POU6F2: variants seen among roughly 807,000 people sequenced by gnomAD.
The protein encoded by POU6F2 is POU domain, class 6, transcription factor 2.
Under a neutral mutation model 71.3 loss-of-function variants are expected in POU6F2, and 31 were observed. The ratio of observed to expected loss-of-function variants is 0.43; its 90% CI spans 0.33 to 0.59. The LOEUF (loss-of-function observed/expected upper bound fraction) is 0.59, where lower values mean the gene tolerates loss of function less well. Among genes scored for constraint, POU6F2 ranks in the 20% least tolerant of loss-of-function variants. POU6F2 has a pLI of 0.04. For missense variants in POU6F2, 783 were observed against 856.8 expected, an observed-to-expected ratio of 0.91 and a Z score of 1.07; for synonymous variants, 347 against 355.7, an observed-to-expected ratio of 0.98 and a Z score of 0.27.
chr7:39,222,056 T>G (rs1320364206), intron 4 of POU6F2, among the ~76,000 whole-genome samples: 1 of 152,184 alleles, frequency 6.6e-6, no homozygotes, highest in Non-Finnish European at 1.5e-5. Context: ...AAAAGTTAGC[T>G]GAATAAAAGC....
chr7:39,459,430 G>T (rs1005468521), intron 8 of POU6F2, among the ~76,000 whole-genome samples: 1 of 151,212 alleles, frequency 6.6e-6, no homozygotes, highest in African/African-American at 2.4e-5. Flanking sequence ...GGCATTTGGC[G>T]TGCAAATGTT....
intron 4 of POU6F2, among the ~76,000 whole-genome samples, chr7:39,276,163 G>A (rs948120252): frequency 1.3e-5 from 2 of 151,500 alleles, no homozygotes; most frequent in Admixed American, 1.3e-4. Context: ...CTGACAAAGG[G>A]CTAATATCCA....
At chr7:39,020,700 T>A (rs895737692) in intron 1 of POU6F2, among the ~76,000 whole-genome samples, 5 of 152,128 alleles carry the variant, frequency 3.3e-5, no homozygotes, top group African/African-American at 1.2e-4. Context: ...AGAGGTGTTA[T>A]TGCTCTTAAG....
At chr7:39,304,238 A>G (rs1016137502) in intron 4 of POU6F2, among the ~76,000 whole-genome samples, 3 of 152,248 alleles carry the variant, frequency 2.0e-5, no homozygotes, top group Admixed American at 6.5e-5. Flanking sequence ...AGAAATCACA[A>G]TCAGTAACGA....
chr7:39,434,469 T>C lies in POU6F2; in HGVS notation c.1320+1186T>C, dbSNP rs572429604. 2.7e-3 allele frequency among the ~76,000 whole-genome samples: 417 copies of C among 151,984 alleles called. 2 individuals carry two copies. The highest frequency in any genetic ancestry group is 4.1e-3 in the Non-Finnish European group (282 of 67,962). On this transcript the variant is annotated intron_variant, in intron 7 of 9. Transcript: ENST00000518318. Reference sequence around the variant, plus strand: ...TGAGGATTAAATGAGTTAATATATATATGAAGTGGTCAGAATAGTGCCTGG... The same window carrying C: ...TGAGGATTAAATGAGTTAATATATACATGAAGTGGTCAGAATAGTGCCTGG...
chr7:39,082,243 G>A (rs1791135731), intron 1 of POU6F2, among the ~76,000 whole-genome samples: 1 of 152,116 alleles, frequency 6.6e-6, no homozygotes, highest in Non-Finnish European at 1.5e-5. Flanking sequence ...CTGGTTCTTG[G>A]GTCTCTGATG....
chr7:39,231,749 G>A (rs565755769), intron 4 of POU6F2, among the ~76,000 whole-genome samples: 5 of 152,098 alleles, frequency 3.3e-5, no homozygotes, highest in Non-Finnish European at 5.9e-5. Flanking sequence ...AGGGGTCCTA[G>A]GGAATAGCCT....
At chr7:39,272,149 A>T (rs751461772) in intron 4 of POU6F2, among the ~76,000 whole-genome samples, 1 of 152,216 alleles carries the variant, frequency 6.6e-6, no homozygotes, top group Non-Finnish European at 1.5e-5. Context: ...GATCATAGGG[A>T]AGAAACCATT....
At chr7:39,278,739 A>G (rs1372961183) in intron 4 of POU6F2, among the ~76,000 whole-genome samples, 1 of 152,146 alleles carries the variant, frequency 6.6e-6, no homozygotes, top group East Asian at 1.9e-4. Context: ...GCTGGCATAC[A>G]GGGGGCTATA....
At chr7:39,330,317 A>G (rs572313260) in intron 4 of POU6F2, among the ~76,000 whole-genome samples, 1 of 152,318 alleles carries the variant, frequency 6.6e-6, no homozygotes, top group Non-Finnish European at 1.5e-5. Flanking sequence ...GTATAATTTT[A>G]AGTAGCATGT....
At chr7:39,086,077 G>A in intron 2 of POU6F2, 46 bp downstream of exon 2, 1 of 1,581,916 alleles carries the variant, frequency 6.3e-7, no homozygotes, top group Non-Finnish European at 8.6e-7. Flanking sequence ...ATGTTGTCCG[G>A]AAGAGCAATC....
At chr7:39,017,236 T>C (rs2128705804) in intron 1 of POU6F2, among the ~76,000 whole-genome samples, 1 of 152,322 alleles carries the variant, frequency 6.6e-6, no homozygotes, top group South Asian at 2.1e-4. Context: ...TCTTGACTTT[T>C]CTTTAGCTAT....
intron 2 of POU6F2, among the ~76,000 whole-genome samples, chr7:39,118,615 A>G (rs1167170499): frequency 6.6e-6 from 1 of 152,208 alleles, no homozygotes; most frequent in Non-Finnish European, 1.5e-5. Context: ...ATCAAACAGG[A>G]TAGAAAAAAT....
At chr7:39,160,946 T>G (rs1792981708) in intron 2 of POU6F2, among the ~76,000 whole-genome samples, 1 of 152,198 alleles carries the variant, frequency 6.6e-6, no homozygotes, top group Admixed American at 6.5e-5. Flanking sequence ...GTTAAATAGA[T>G]GTTGAATTGA....
intron 6 of POU6F2, among the ~76,000 whole-genome samples, chr7:39,426,499 G>GC (rs1201627484): frequency 6.6e-6 from 1 of 152,034 alleles, no homozygotes; most frequent in African/African-American, 2.4e-5. Context: ...CCTTACTCCT[G>GC]CTATCATGGG....
intron 4 of POU6F2, among the ~76,000 whole-genome samples, chr7:39,238,274 A>G (rs1248716176): frequency 6.6e-6 from 1 of 152,136 alleles, no homozygotes; most frequent in Non-Finnish European, 1.5e-5. Flanking sequence ...GACAATGAAC[A>G]TATAAGGACA....
In POU6F2 at chr7:39,015,646, TAG is replaced by T. The variant is rs1347718434; in HGVS notation, c.105+37590_105+37591del. Among the ~76,000 whole-genome samples the T allele has an allele frequency of 3.7e-3, 355 of 97,256 alleles. 1 individual carries two copies. The highest frequency in any genetic ancestry group is 5.0e-3 in the Non-Finnish European group (258 of 51,608). 63.8% of individuals were successfully genotyped at this position (97,256 alleles called of 152,430 possible). A position where few individuals can be genotyped will look rare whatever the true frequency, so the allele number is the denominator to read the frequency against. On this transcript the variant is annotated intron_variant, in intron 1 of 9. Transcript: ENST00000518318. ...ATTATAGATATATCTATGTTATATATAGATATATATTATATATAGATATATTA... is the reference window on the plus strand; with the variant it reads ...ATTATAGATATATCTATGTTATATATATATATATTATATATAGATATATTA...
At chr7:39,400,689 AG>A (rs1213044146) in intron 5 of POU6F2, among the ~76,000 whole-genome samples, 7 of 152,196 alleles carry the variant, frequency 4.6e-5, no homozygotes, top group Non-Finnish European at 8.8e-5. Context: ...CAAAAACCTT[AG>A]GTTACCTTAA....
chr7:39,215,118 G>A (rs896233736), intron 4 of POU6F2, among the ~76,000 whole-genome samples: 8 of 152,198 alleles, frequency 5.3e-5, no homozygotes, highest in Non-Finnish European at 4.4e-5. Flanking sequence ...GCTGAGGCAG[G>A]CCAATTACCT....
Sources: allele counts gnomAD v4.1 joint callset (sites outside exome capture counted in the v4.1 genomes callset), GRCh38; gene constraint gnomAD v4.1.1; transcripts MANE v1.5; gene names NCBI Gene and HGNC (gene_info 2026-07-23, HGNC 2026-07-21).